MFN1: variants seen among roughly 807,000 people sequenced by gnomAD.
The protein encoded by MFN1 is mitofusin-1.
A neutral mutation model predicts 92.4 loss-of-function variants in MFN1; 65 were observed. That is an observed-to-expected ratio of 0.70 (90% CI 0.58 to 0.86). The LOEUF (loss-of-function observed/expected upper bound fraction) is 0.86, where lower values mean the gene tolerates loss of function less well. MFN1 is among the 40% of genes least tolerant of loss of function. The pLI is 0.00. For missense variants in MFN1, 781 were observed against 868.0 expected (o/e 0.90, Z 1.26); for synonymous variants, 297 against 300.9 (o/e 0.99, Z 0.13).
chr3:179,385,821 A>G (rs2108557644), intron 15 of MFN1, 100 bp downstream of exon 15: 2 of 1,116,516 alleles, frequency 1.8e-6, no homozygotes, highest in Non-Finnish European at 2.6e-6. Context: ...TTCTATTTAT[A>G]GGATCTGTAA....
At chr3:179,375,482 ATTTT>A in intron 10 of MFN1, 141 bp downstream of exon 10, 1 of 980,968 alleles carries the variant, frequency 1.0e-6, no homozygotes, top group Non-Finnish European at 1.5e-6. Context: ...CTACTTCTAT[ATTTT>A]TAAGTGCGTA....
chr3:179,368,251 TGAA>T (rs1427270649), intron 9 of MFN1, 148 bp downstream of exon 9: 1 of 414,592 alleles, frequency 2.4e-6, no homozygotes, highest in Non-Finnish European at 4.0e-6. Flanking sequence ...ATGTGGAAAG[TGAA>T]GAAAAGGAGC....
At chr3:179,358,153 T>TTG (rs1712418269) in intron 3 of MFN1, among the ~76,000 whole-genome samples, 1 of 144,692 alleles carries the variant, frequency 6.9e-6, no homozygotes, top group African/African-American at 2.7e-5. Context: ...TCATTTTGTT[T>TTG]TTTTTTTTTT....
rs529865328 is a variant in MFN1, at chr3:179,390,276, A to G, written c.2147+138A>G. On this transcript the variant is annotated intron_variant, in intron 17 of 17. Coordinates refer to ENST00000471841, the MANE Select transcript of MFN1 (RefSeq NM_033540.3). ...ATGAAAATCTTCCATATTTAATTCC[A>G]TGTGGTTTGCAGTTTCACCGAAGGT... 2.9e-5 allele frequency: 23 copies of G among 797,818 alleles called. No homozygotes were observed. In the African/African-American group the frequency reaches 3.3e-4, roughly 11 times the overall value. The allele number at this position is 797,818 out of a possible 1,614,324, so 49.4% of individuals were successfully genotyped here.
intron 14 of MFN1, 101 bp from the exon 15 acceptor site, chr3:179,385,468 T>G: frequency 9.3e-7 from 1 of 1,074,538 alleles, no homozygotes; most frequent in Non-Finnish European, 1.3e-6. Context: ...TTAGGGTAAT[T>G]TTTCCCTCAT....
intron 9 of MFN1, among the ~76,000 whole-genome samples, chr3:179,373,551 AAAT>A (rs1444452823): frequency 6.6e-6 from 1 of 152,188 alleles, no homozygotes; most frequent in Non-Finnish European, 1.5e-5. Flanking sequence ...TTATCATAGA[AAAT>A]AAACATGTCT....
chr3:179,378,589 T>C lies in MFN1; in HGVS notation c.1437T>C (p.Asn479=), dbSNP rs764701395. Reference sequence around the variant, plus strand: ...TTGTAATTTTGTTCTTTCTAGAAAATTTGAAGCCATTACTTCCAGCTGGTA... The same window carrying C: ...TTGTAATTTTGTTCTTTCTAGAAAACTTGAAGCCATTACTTCCAGCTGGTA... ...VLQTQQEIIE[N]LKPLLPAGIQ... is the part of the protein sequence containing the mutation. The change falls in exon 14 of 18, where the codon AAT becomes AAC. Residue 479 remains asparagine (N), a synonymous_variant. Coordinates refer to ENST00000471841, the MANE Select transcript of MFN1 (RefSeq NM_033540.3). 4 of 1,605,874 alleles carry C rather than the reference T, an allele frequency of 2.5e-6. No homozygotes were observed. Among genetic ancestry groups the C allele is most frequent in the South Asian group, 1.1e-5 (1 of 90,240 alleles).
intron 7 of MFN1, among the ~76,000 whole-genome samples, chr3:179,366,361 G>A (rs1712794027): frequency 6.6e-6 from 1 of 150,788 alleles, no homozygotes. Context: ...AGCAGATTGA[G>A]TTTCATAAGA....
rs187355489 is a variant in MFN1 at position 179,377,933 on chromosome 3, G to T, written c.1330-408G>T. Among the ~76,000 whole-genome samples the T allele has an allele frequency of 2.6e-5, 4 of 152,052 alleles. No homozygotes were observed. In the South Asian group the frequency reaches 8.3e-4, roughly 32 times the overall value. ...AAAAAAAAATTAGCCGGTGGCAGGC[G>T]CCTGTAATACCAGCTACTCTGGAGG... On this transcript the variant is annotated intron_variant, in intron 12 of 17. Coordinates refer to ENST00000471841, the MANE Select transcript of MFN1 (RefSeq NM_033540.3).
rs1466927716 is a variant in MFN1, at chr3:179,348,848, C to T, written c.-4C>T. On this transcript the variant is annotated 5_prime_UTR_variant, in exon 2 of 18. Transcript: ENST00000471841. ...TTCTAACTTTATCTCCCTCTAGTAG[C>T]ATAATGGCAGAACCTGTTTCTCCAC... 1 of 1,608,648 alleles carries T rather than the reference C, an allele frequency of 6.2e-7. No homozygotes were observed. Among genetic ancestry groups the T allele is most frequent in the African/African-American group, 1.3e-5 (1 of 74,868 alleles).
At chr3:179,351,822 A>G in intron 2 of MFN1, 78 bp from the exon 3 acceptor site, 1 of 1,371,436 alleles carries the variant, frequency 7.3e-7, no homozygotes, top group East Asian at 2.5e-5. Flanking sequence ...AAAAATACAT[A>G]CAATCTTAGG....
At chr3:179,373,561 GTC>G (rs2108543854) in intron 9 of MFN1, among the ~76,000 whole-genome samples, 1 of 152,062 alleles carries the variant, frequency 6.6e-6, no homozygotes, top group South Asian at 2.1e-4. Flanking sequence ...AAATAAACAT[GTC>G]TCTTATAAAA....
In MFN1 at chr3:179,348,838, C is replaced by T. The variant is rs1018399182; in HGVS notation, c.-7-7C>T. ...GTTGGTGCTTTTCTAACTTTATCTC[C>T]CTCTAGTAGCATAATGGCAGAACCT... On this transcript the variant is annotated splice_polypyrimidine_tract_variant and splice_region_variant and intron_variant, in intron 1 of 17. Transcript: ENST00000471841. The T allele has an allele frequency of 1.9e-6, 3 of 1,607,584 alleles. No individual in the cohort carries two copies. The highest frequency in any genetic ancestry group is 1.3e-5 in the African/African-American group (1 of 74,836).
chr3:179,353,055 AT>A (rs11408958), intron 3 of MFN1, among the ~76,000 whole-genome samples: 42 of 139,818 alleles, frequency 3.0e-4, no homozygotes, highest in Non-Finnish European at 3.9e-4. Context: ...TCCAGCCTAA[AT>A]TTTTTTTTTT....
chr3:179,379,634 G>A (rs1007789565), intron 14 of MFN1, among the ~76,000 whole-genome samples: 13 of 152,286 alleles, frequency 8.5e-5, no homozygotes, highest in African/African-American at 2.2e-4. Flanking sequence ...GATTACAGGC[G>A]TGAGCCACAG....
intron 2 of MFN1, among the ~76,000 whole-genome samples, chr3:179,349,887 C>G (rs1158718327): frequency 6.6e-6 from 1 of 152,048 alleles, no homozygotes; most frequent in African/African-American, 2.4e-5. Flanking sequence ...CGCCCTGACT[C>G]ACACCTGTAA....
intron 3 of MFN1, among the ~76,000 whole-genome samples, chr3:179,356,949 C>A (rs1712367766): frequency 6.6e-6 from 1 of 152,092 alleles, no homozygotes; most frequent in African/African-American, 2.4e-5. Context: ...TCCATCTCCC[C>A]AAGGAATTTG....
At position 179,377,922 on chromosome 3, in the gene MFN1, C is replaced by T. The variant is rs150440570; in HGVS notation, c.1330-419C>T. Among the ~76,000 whole-genome samples, 41 of 151,994 alleles carry T rather than the reference C, an allele frequency of 2.7e-4. No homozygotes were observed. In the East Asian group the frequency reaches 3.7e-3, roughly 14 times the overall value. On this transcript the variant is annotated intron_variant, in intron 12 of 17. Coordinates refer to ENST00000471841, the MANE Select transcript of MFN1 (RefSeq NM_033540.3). The stretch of plus-strand genomic sequence containing the variant: ...CTAAAAATACAAAAAAAAAATTAGC[C>T]GGTGGCAGGCGCCTGTAATACCAGC...
At chr3:179,388,138 C>T (rs1713763615) in intron 16 of MFN1, among the ~76,000 whole-genome samples, 1 of 151,954 alleles carries the variant, frequency 6.6e-6, no homozygotes, top group Non-Finnish European at 1.5e-5. Context: ...ATCCACCTGC[C>T]TTGGCCTCCC....
Sources: gnomAD v4.1 joint callset for allele counts (sites outside exome capture counted in the v4.1 genomes callset) on GRCh38, gnomAD v4.1.1 for gene constraint, MANE v1.5 for transcripts, NCBI Gene and HGNC (gene_info 2026-07-23, HGNC 2026-07-21) for gene names.